Variants in OGG1 observed in about 807,000 individuals in gnomAD.
The protein encoded by OGG1 is N-glycosylase/DNA lyase.
A neutral mutation model predicts 42.3 loss-of-function variants in OGG1; 35 were observed. The ratio of observed to expected loss-of-function variants is 0.83; its 90% CI spans 0.63 to 1.10. The LOEUF is 1.10. Ranked by LOEUF, OGG1 falls within the 50% of genes least tolerant of loss-of-function variation. The pLI is 0.00. For missense variants in OGG1, 484 were observed against 446.7 expected (o/e 1.08, Z -0.75); for synonymous variants, 189 against 179.0 (o/e 1.06, Z -0.44).
intron 2 of OGG1, among the ~76,000 whole-genome samples, chr3:9,777,081 G>C (rs1208485603): frequency 6.6e-6 from 1 of 152,146 alleles, no homozygotes; most frequent in Non-Finnish European, 1.5e-5. Context: ...AGAGTACTCA[G>C]GAGCAGACAG....
chr3:9,761,260 C>T (rs79985470), downstream of OGG1: 5,509 of 574,642 alleles, frequency 9.6e-3, 238 homozygotes, highest in African/African-American at 0.092. Context: ...TTGTGCTGTG[C>T]TAAATTTACC....
At chr3:9,767,096 CCTT>C (rs1473544324), downstream of OGG1, among the ~76,000 whole-genome samples, 1 of 152,158 alleles carries the variant, frequency 6.6e-6, no homozygotes, top group East Asian at 1.9e-4. Context: ...CCTGGAATGT[CCTT>C]CTTCCTCTCT....
chr3:9,760,704 C>T, downstream of OGG1: 2 of 1,614,078 alleles, frequency 1.2e-6, no homozygotes, highest in Non-Finnish European at 1.7e-6. Flanking sequence ...TCGTACTCGG[C>T]CTTCAAAATC....
At chr3:9,765,954 C>A in exon 8 of OGG1, 1 of 1,614,196 alleles carries the variant, frequency 6.2e-7, no homozygotes, top group African/African-American at 1.3e-5. Context: ...AGCCTCTCCT[C>A]CATTCCCTAT....
chr3:9,751,634 C>G, intron 2 of OGG1, 136 bp from the exon 3 acceptor site: 3 of 840,756 alleles, frequency 3.6e-6, no homozygotes, highest in South Asian at 2.7e-5. Flanking sequence ...TCTGGTGTTG[C>G]TTTCTCTAAC....
Position 9,776,125 on chromosome 3 carries a change from T to C in OGG1, c.295-5388T>C, listed in dbSNP as rs1448400365. On this transcript the variant is annotated intron_variant, in intron 2 of 3. Coordinates refer to the OGG1 transcript ENST00000426518. ...GCCCAGCCTGGTCTTCAACCTACTT[T>C]CTAGCTTCATCTCTTATCCTTTCCT... 2.6e-5 allele frequency among the ~76,000 whole-genome samples: 4 copies of C among 152,160 alleles called. No homozygotes were observed. In the East Asian group the frequency reaches 7.7e-4, roughly 29 times the overall value.
intron 7 of OGG1, chr3:9,765,697 A>C: frequency 1.3e-6 from 2 of 1,570,052 alleles, no homozygotes; most frequent in South Asian, 2.2e-5. Context: ...GCAGGAAAGG[A>C]GGAGGATGGG....
intron 3 of OGG1, chr3:9,783,814 G>A: frequency 1.3e-6 from 1 of 782,326 alleles, no homozygotes; most frequent in Non-Finnish European, 1.8e-6. Context: ...AAATCAATCG[G>A]TCAGTCACAG....
intron 3 of OGG1, among the ~76,000 whole-genome samples, chr3:9,753,609 G>C (rs1331342359): frequency 6.8e-6 from 1 of 147,260 alleles, no homozygotes; most frequent in Admixed American, 6.8e-5. Flanking sequence ...AGCCGAGATC[G>C]TGCCACTGCA....
chr3:9,776,464 A>C (rs1262850063), intron 2 of OGG1, among the ~76,000 whole-genome samples: 1 of 136,946 alleles, frequency 7.3e-6, no homozygotes, highest in African/African-American at 2.8e-5. Flanking sequence ...ATCTCGGCTC[A>C]CTGCAAGCTC....
chr3:9,790,692 G>A (rs759146927), downstream of OGG1, among the ~76,000 whole-genome samples: 3 of 152,202 alleles, frequency 2.0e-5, no homozygotes, highest in Non-Finnish European at 4.4e-5. Context: ...CTGGCATTGG[G>A]CTGAGTTTTT....
In OGG1 at chr3:9,757,242, AG is replaced by A. The variant is rs766585412; in HGVS notation, c.*96del. Reference sequence around the variant, plus strand: ...ATCCCCACCCAGTCTCATGTTGGGGAGGGGCCTCCCTGTGACTACCTCAAAG... The same window carrying A: ...ATCCCCACCCAGTCTCATGTTGGGGAGGGCCTCCCTGTGACTACCTCAAAG... On this transcript the variant is annotated 3_prime_UTR_variant, in exon 7 of 7. Coordinates refer to ENST00000344629, the MANE Select transcript of OGG1 (RefSeq NM_002542.6). The surrounding 1 kb of genome is among the most constrained non-coding windows in gnomAD (Gnocchi z 4.5). 72 of 1,613,672 alleles carry A rather than the reference AG, an allele frequency of 4.5e-5. No homozygotes were observed. Among genetic ancestry groups the A allele is most frequent in the Non-Finnish European group, 6.0e-5 (71 of 1,179,844 alleles).
downstream of OGG1, chr3:9,759,341 G>C: frequency 6.4e-7 from 1 of 1,559,790 alleles, no homozygotes; most frequent in Non-Finnish European, 8.8e-7. Context: ...TTGAATGAAA[G>C]AGTGAATGAA....
rs764615113 is a variant in OGG1 at position 9,750,293 on chromosome 3, G to A, written c.7G>A (p.Ala3Thr). 6.2e-7 allele frequency: 1 copy of A among 1,610,494 alleles called. No individual in the cohort carries two copies. The highest frequency in any genetic ancestry group is 8.5e-7 in the Non-Finnish European group (1 of 1,177,878). MP[A>T]RALLPRRMGH... Reference sequence around the variant, plus strand: ...GGCGGTGCCTGCTGTGGAAATGCCTGCCCGCGCGCTTCTGCCCAGGCGCAT... The same window carrying A: ...GGCGGTGCCTGCTGTGGAAATGCCTACCCGCGCGCTTCTGCCCAGGCGCAT... Residue 3 changes from alanine (A) to threonine (T), a missense_variant, in exon 1 of 7, where the codon GCC (alanine) becomes ACC (threonine). Ala to Thr is a moderately conservative substitution (Grantham distance 58). Transcript: ENST00000344629.
downstream of OGG1, chr3:9,759,660 G>A: frequency 6.2e-7 from 1 of 1,614,212 alleles, no homozygotes; most frequent in South Asian, 1.1e-5. Context: ...CACAGGTTGT[G>A]TGAATTCTCA....
chr3:9,759,421 T>C, downstream of OGG1: 1 of 1,606,294 alleles, frequency 6.2e-7, no homozygotes, highest in South Asian at 1.1e-5. Flanking sequence ...CTGTGCAAGC[T>C]GAGCCTGGGT....
downstream of OGG1, chr3:9,767,667 G>A (rs190639418): frequency 5.9e-5 from 95 of 1,613,968 alleles, 1 homozygote; most frequent in South Asian, 7.9e-4. Flanking sequence ...CTGGACTCAC[G>A]TGCCCAGAAC....
intron 2 of OGG1, 147 bp from the exon 3 acceptor site, chr3:9,751,623 G>T: frequency 1.3e-6 from 1 of 793,692 alleles, no homozygotes; most frequent in South Asian, 1.4e-5. Context: ...GGAATGAGAG[G>T]TCTGGTGTTG....
At chr3:9,756,885 A>G (rs1233690414) in intron 6 of OGG1, 69 bp downstream of exon 6, 1 of 1,612,118 alleles carries the variant, frequency 6.2e-7, no homozygotes, top group Non-Finnish European at 8.5e-7. Flanking sequence ...CTCTTCCACC[A>G]CCGCCCCAGG....
Sources: gnomAD v4.1 joint callset for allele counts (sites outside exome capture counted in the v4.1 genomes callset) on GRCh38, gnomAD v4.1.1 for gene constraint, Gnocchi (gnomAD v3.1) non-coding constraint, MANE v1.5 for transcripts, NCBI Gene and HGNC (gene_info 2026-07-23, HGNC 2026-07-21) for gene names.